CCSER1: variants seen among roughly 807,000 people sequenced by gnomAD.
CCSER1 encodes coiled-coil serine rich protein 1, also known as serine-rich coiled-coil domain-containing protein 1.
A neutral mutation model predicts 82.0 loss-of-function variants in CCSER1; 41 were observed. The observed-to-expected ratio is 0.50, with a 90% CI of 0.39 to 0.65. CCSER1 has a LOEUF of 0.65. Ranked by LOEUF, CCSER1 falls within the 30% of genes least tolerant of loss-of-function variation. The probability of loss-of-function intolerance (pLI) is 0.00; values close to 1 mark genes in which losing one functional copy is unlikely to be tolerated. For missense variants in CCSER1, 1,119 were observed against 1,064.2 expected (o/e 1.05, Z -0.72); for synonymous variants, 414 against 383.9 (o/e 1.08, Z -0.92).
intron 1 of CCSER1, among the ~76,000 whole-genome samples, chr4:90,295,450 A>T (rs1731686914): frequency 6.6e-6 from 1 of 151,964 alleles, no homozygotes; most frequent in South Asian, 2.1e-4. Flanking sequence ...CCTTTTCTAT[A>T]AATTTCCTGT....
rs769224239 is a variant in CCSER1, at chr4:90,695,240, A to G, written c.1933-28674A>G. Among the ~76,000 whole-genome samples, 14 of 151,900 alleles carry G rather than the reference A, an allele frequency of 9.2e-5. No homozygotes were observed. In the South Asian group the frequency reaches 2.5e-3, roughly 27 times the overall value. On this transcript the variant is annotated intron_variant, in intron 6 of 10. Transcript: ENST00000509176. ...TGTGAACTTGATAAGCTCATCAGAT[A>G]TAAATGAAAGATCTGGCATAAATGA...
intron 10 of CCSER1, among the ~76,000 whole-genome samples, chr4:91,283,023 C>T (rs1461289404): frequency 6.6e-6 from 1 of 151,824 alleles, no homozygotes; most frequent in Non-Finnish European, 1.5e-5. Context: ...ATATTCTTGT[C>T]ATTTCTAAGT....
At position 90,370,736 on chromosome 4, in the gene CCSER1, T is replaced by C. The variant is rs541604617; in HGVS notation, c.1510-29300T>C. Among the ~76,000 whole-genome samples the C allele has an allele frequency of 1.1e-3, 163 of 152,156 alleles. 1 individual carries two copies. Among genetic ancestry groups the C allele is most frequent in the Non-Finnish European group, 2.1e-3 (141 of 67,976 alleles). ...TAGATTATTTTTTGTATGAAATATATTCAAAAGTTACACCTCATGCACCTA... is the reference window on the plus strand; with the variant it reads ...TAGATTATTTTTTGTATGAAATATACTCAAAAGTTACACCTCATGCACCTA... On this transcript the variant is annotated intron_variant, in intron 3 of 10. Transcript: ENST00000509176.
At chr4:90,186,685 G>T (rs999881323) in intron 1 of CCSER1, among the ~76,000 whole-genome samples, 2 of 151,808 alleles carry the variant, frequency 1.3e-5, no homozygotes, top group Non-Finnish European at 2.9e-5. Context: ...ACCTCCTTTA[G>T]CCTATGAATC....
In CCSER1 at chr4:91,347,633, CTTT is replaced by C. The variant is rs544597448; in HGVS notation, c.2218-250938_2218-250936del. ...ATATATTTGTATTTATTTAGATCTT[CTTT>C]GATTTTTTTCATCAGAATATTGTAG... On this transcript the variant is annotated intron_variant, in intron 10 of 10. Coordinates refer to ENST00000509176, the MANE Select transcript of CCSER1 (RefSeq NM_001145065.2). Among the ~76,000 whole-genome samples the C allele has an allele frequency of 1.8e-3, 260 of 143,762 alleles. 2 individuals carry two copies. Among genetic ancestry groups the C allele is most frequent in the African/African-American group, 6.6e-3 (257 of 39,154 alleles). The allele number at this position is 143,762 out of a possible 152,430, so 94.3% of individuals were successfully genotyped here. A position where few individuals can be genotyped will look rare whatever the true frequency, so the allele number is the denominator to read the frequency against.
intron 5 of CCSER1, among the ~76,000 whole-genome samples, chr4:90,470,472 C>G (rs960993702): frequency 2.6e-5 from 4 of 152,088 alleles, no homozygotes; most frequent in Non-Finnish European, 5.9e-5. Flanking sequence ...CAAATGCTAA[C>G]TGGTTTCAGA....
chr4:90,952,591 A>C (rs142854200), intron 9 of CCSER1, among the ~76,000 whole-genome samples: 1 of 152,070 alleles, frequency 6.6e-6, no homozygotes, highest in South Asian at 2.1e-4. Flanking sequence ...CTTGTTTACT[A>C]TCTCATAGAA....
At chr4:91,405,113 CTCT>C (rs1289621109) in intron 10 of CCSER1, among the ~76,000 whole-genome samples, 2 of 152,078 alleles carry the variant, frequency 1.3e-5, no homozygotes, top group African/African-American at 4.8e-5. Flanking sequence ...GGATAGTTAG[CTCT>C]TCTTGTTGAA....
intron 5 of CCSER1, among the ~76,000 whole-genome samples, chr4:90,483,462 T>G (rs1766436041): frequency 1.3e-5 from 2 of 152,232 alleles, no homozygotes; most frequent in African/African-American, 4.8e-5. Flanking sequence ...AGTTTCTTCC[T>G]AGCCTTGATG....
rs557797330 is a variant in CCSER1, at chr4:90,240,751, A to T, written c.-41-67493A>T. Among the ~76,000 whole-genome samples the T allele has an allele frequency of 2.6e-5, 4 of 152,182 alleles. 1 individual carries two copies. The highest frequency in any genetic ancestry group is 2.0e-4 in the Admixed American group (3 of 15,274). On this transcript the variant is annotated intron_variant, in intron 1 of 10. Coordinates refer to ENST00000509176, the MANE Select transcript of CCSER1 (RefSeq NM_001145065.2). ...CAACTCTAAATGCCGTAAGAATGTCATGTTGCTTTCAGGTGCCCAATTTTA... is the reference window on the plus strand; with the variant it reads ...CAACTCTAAATGCCGTAAGAATGTCTTGTTGCTTTCAGGTGCCCAATTTTA...
intron 10 of CCSER1, among the ~76,000 whole-genome samples, chr4:91,187,291 C>T (rs1734636116): frequency 6.6e-6 from 1 of 152,232 alleles, no homozygotes; most frequent in Admixed American, 6.5e-5. Context: ...TGGCACCTCT[C>T]TCTGCTAGTT....
chr4:90,992,445 C>G (rs1005753250), intron 9 of CCSER1, among the ~76,000 whole-genome samples: 1 of 151,844 alleles, frequency 6.6e-6, no homozygotes, highest in Non-Finnish European at 1.5e-5. Context: ...GATATTACAA[C>G]AATTTTAGTG....
Position 90,312,905 on chromosome 4 carries a change from TAG to T in CCSER1, c.1372_1373del (p.Arg458GlufsTer13). Reference sequence around the variant, plus strand: ...AGTCCATTTCGTGAAGGAAGATTTATAGAGAGGAGACTGCGATCCTCGTCAGA... The same window carrying T: ...AGTCCATTTCGTGAAGGAAGATTTATAGAGGAGACTGCGATCCTCGTCAGA... On this transcript the variant is annotated frameshift_variant, in exon 3 of 11. Coordinates refer to ENST00000509176, the MANE Select transcript of CCSER1 (RefSeq NM_001145065.2). LOFTEE classifies it high-confidence loss of function. 2 of 1,582,176 alleles carry T rather than the reference TAG, an allele frequency of 1.3e-6. No individual in the cohort carries two copies. Among genetic ancestry groups the T allele is most frequent in the Non-Finnish European group, 1.7e-6 (2 of 1,162,628 alleles).
At position 91,218,729 on chromosome 4, in the gene CCSER1, C is replaced by A. The variant is rs562538519; in HGVS notation, c.2217+132735C>A. ...TGCTTTAGGACACTATACTTTGCATCGATCCTTCACCCACAGTAAGAATAT... is the reference window on the plus strand; with the variant it reads ...TGCTTTAGGACACTATACTTTGCATAGATCCTTCACCCACAGTAAGAATAT... On this transcript the variant is annotated intron_variant, in intron 10 of 10. Coordinates refer to ENST00000509176, the MANE Select transcript of CCSER1 (RefSeq NM_001145065.2). 2.8e-4 allele frequency among the ~76,000 whole-genome samples: 43 copies of A among 152,198 alleles called. No individual in the cohort carries two copies. In the South Asian group the frequency reaches 4.8e-3, roughly 17 times the overall value.
intron 5 of CCSER1, among the ~76,000 whole-genome samples, chr4:90,555,892 A>G (rs114805521): frequency 2.8e-3 from 423 of 152,230 alleles, no homozygotes; most frequent in Non-Finnish European, 3.7e-3. Context: ...ATTTTACTAG[A>G]CACAGGAAGT....
At chr4:90,951,574 A>G (rs139895806) in intron 9 of CCSER1, among the ~76,000 whole-genome samples, 177 of 152,234 alleles carry the variant, frequency 1.2e-3, no homozygotes, top group African/African-American at 3.1e-3. Flanking sequence ...AAGGTTCACA[A>G]GGTTTTGTCA....
chr4:91,352,528 G>A (rs539403687), intron 10 of CCSER1, among the ~76,000 whole-genome samples: 69 of 152,340 alleles, frequency 4.5e-4, no homozygotes, highest in African/African-American at 1.5e-3. Context: ...ACAGGCGTGA[G>A]CCACCGTGCC....
intron 5 of CCSER1, among the ~76,000 whole-genome samples, chr4:90,584,104 A>T (rs1781726003): frequency 6.6e-6 from 1 of 152,154 alleles, no homozygotes; most frequent in Admixed American, 6.6e-5. Flanking sequence ...GGACTGTGAA[A>T]TAGGATGGCT....
At chr4:90,269,205 C>A in intron 1 of CCSER1, among the ~76,000 whole-genome samples, 1 of 152,058 alleles carries the variant, frequency 6.6e-6, no homozygotes. Context: ...TTTTACAGAA[C>A]ATTTCATGCA....
Sources: gnomAD v4.1 joint callset for allele counts (sites outside exome capture counted in the v4.1 genomes callset) on GRCh38, gnomAD v4.1.1 for gene constraint, MANE v1.5 for transcripts, NCBI Gene and HGNC (gene_info 2026-07-23, HGNC 2026-07-21) for gene names.